Variants in FCAR observed in about 807,000 individuals in gnomAD.
The protein encoded by FCAR is Fc alpha receptor.
In FCAR, 21 loss-of-function variants were observed where a neutral mutation model predicts 27.1. The observed-to-expected ratio is 0.77, with a 90% CI of 0.55 to 1.11. FCAR has a LOEUF of 1.11. Ranked by LOEUF, FCAR falls within the 50% of genes most tolerant of loss-of-function variation. The pLI is 0.00. For missense variants in FCAR, 404 were observed against 358.4 expected (o/e 1.13, Z -1.03); for synonymous variants, 134 against 135.8 (o/e 0.99, Z 0.09).
chr19:54,885,284 C>T lies in FCAR; in HGVS notation c.120C>T (p.Pro40=). ...FISAKSSPVI[P]LDGSVKIQCQ... ...CTGCCAAATCGAGTCCTGTGATTCCCTTGGATGGATCTGTGAAAATCCAGT... is the reference window on the plus strand; with the variant it reads ...CTGCCAAATCGAGTCCTGTGATTCCTTTGGATGGATCTGTGAAAATCCAGT... Residue 40 remains proline, a synonymous_variant, in exon 3 of 5, where the codon CCC becomes CCT. Coordinates refer to ENST00000355524, the MANE Select transcript of FCAR (RefSeq NM_002000.4). 6.2e-7 allele frequency: 1 copy of T among 1,613,960 alleles called. No homozygotes were observed. The highest frequency in any genetic ancestry group is 8.5e-7 in the Non-Finnish European group (1 of 1,179,938).
chr19:54,890,091 T>TCA lies in FCAR; in HGVS notation c.*228_*229insCA. The stretch of plus-strand genomic sequence containing the variant: ...GCCTCAGCCTCCCAAGTAGCTGGAA[T>TCA]TACAGGCACATACCACTGCACCCAG... On this transcript the variant is annotated 3_prime_UTR_variant, in exon 5 of 5. Coordinates refer to ENST00000355524, the MANE Select transcript of FCAR (RefSeq NM_002000.4). 1.7e-6 allele frequency: 1 copy of TCA among 580,566 alleles called. No homozygotes were observed. The highest frequency in any genetic ancestry group is 3.1e-6 in the Non-Finnish European group (1 of 325,936). 36.0% of individuals were successfully genotyped at this position (580,566 alleles called of 1,614,324 possible).
At position 54,888,110 on chromosome 19, in the gene FCAR, A is replaced by C. The variant is rs745816789; in HGVS notation, c.465A>C (p.Arg155Ser). The C allele has an allele frequency of 1.4e-5, 22 of 1,613,956 alleles. No homozygotes were observed. The highest frequency in any genetic ancestry group is 1.9e-5 in the Non-Finnish European group (22 of 1,179,992). ...TCSSAHIPFD[R>S]FSLAKEGELS... ...GCTCAGCACACATCCCATTTGATAG[A>C]TTTTCACTGGCCAAGGAGGGAGAAC... The change falls in exon 4 of 5, where the codon AGA becomes AGC. Residue 155 changes from arginine (R) to serine (S), a missense_variant. Physicochemically the swap from Arg to Ser is moderately radical, Grantham distance 110. Coordinates refer to ENST00000355524, the MANE Select transcript of FCAR (RefSeq NM_002000.4).
chr19:54,887,810 G>A (rs181619822), intron 3 of FCAR, among the ~76,000 whole-genome samples, 197 bp from the exon 4 acceptor site: 58 of 152,054 alleles, frequency 3.8e-4, no homozygotes, highest in Middle Eastern at 6.8e-3. Context: ...CCAGTTTCTC[G>A]GGAGGCTGAG....
chr19:54,880,273 T>C (rs1333674818), intron 2 of FCAR, among the ~76,000 whole-genome samples: 2 of 152,242 alleles, frequency 1.3e-5, no homozygotes, highest in Non-Finnish European at 2.9e-5. Context: ...TTCTTCATTT[T>C]TGTCTGACTG....
At chr19:54,879,599 T>G (rs587617500) in intron 2 of FCAR, among the ~76,000 whole-genome samples, 11 of 152,294 alleles carry the variant, frequency 7.2e-5, no homozygotes, top group African/African-American at 2.6e-4. Context: ...GTAGAGTTTC[T>G]GCTGAAAGGT....
rs115006026 is a variant in FCAR, at chr19:54,879,513, G to C, written c.70+4148G>C. On this transcript the variant is annotated intron_variant, in intron 2 of 4. Coordinates refer to ENST00000355524, the MANE Select transcript of FCAR (RefSeq NM_002000.4). ...CTCCTTCACTTATGAAACTTAGTTT[G>C]GCTGGGAATGAGATTCTTGGTTGGA... Among the ~76,000 whole-genome samples the C allele has an allele frequency of 6.4e-3, 977 of 152,220 alleles. 9 individuals are homozygous for C. The highest frequency in any genetic ancestry group is 0.022 in the African/African-American group (900 of 41,540).
intron 2 of FCAR, among the ~76,000 whole-genome samples, chr19:54,883,725 T>C (rs1447120193): frequency 2.0e-5 from 3 of 152,042 alleles, no homozygotes; most frequent in African/African-American, 7.2e-5. Context: ...GAGGCCGAGA[T>C]GGGCAGATTG....
In FCAR at chr19:54,889,937, A is replaced by T; in HGVS notation, c.*74A>T. 1 of 1,103,338 alleles carries T rather than the reference A, an allele frequency of 9.1e-7. No individual in the cohort carries two copies. Among genetic ancestry groups the T allele is most frequent in the Non-Finnish European group, 1.3e-6 (1 of 753,266 alleles). 68.3% of individuals were successfully genotyped at this position (1,103,338 alleles called of 1,614,324 possible). On this transcript the variant is annotated 3_prime_UTR_variant, in exon 5 of 5. Transcript: ENST00000355524. ...AAGCTACTTGAAGGACACAAGAGAG[A>T]AAAGCTCACTAAGAAGCTTGAATCT...
At chr19:54,887,869 A>C in intron 3 of FCAR, 138 bp from the exon 4 acceptor site, 1 of 598,884 alleles carries the variant, frequency 1.7e-6, no homozygotes, top group Non-Finnish European at 2.7e-6. Flanking sequence ...GTGAGCTGAG[A>C]TCACGCCACT....
chr19:54,886,301 A>AT (rs1317590546), intron 3 of FCAR, among the ~76,000 whole-genome samples: 560 of 17,418 alleles, frequency 0.032, 12 homozygotes, highest in East Asian at 0.11. Flanking sequence ...ATGTATCTTT[A>AT]TTTTTTTTTT....
intron 2 of FCAR, among the ~76,000 whole-genome samples, chr19:54,877,878 C>T (rs1312616552): frequency 2.0e-5 from 3 of 150,778 alleles, no homozygotes. Flanking sequence ...ATTTTTATTC[C>T]ACTGTGCTCT....
chr19:54,878,223 G>C (rs1360065085), intron 2 of FCAR, among the ~76,000 whole-genome samples: 1 of 152,088 alleles, frequency 6.6e-6, no homozygotes, highest in Non-Finnish European at 1.5e-5. Context: ...AGCCTGCTAA[G>C]GATTGCTGTA....
chr19:54,881,868 G>A (rs144192976), intron 2 of FCAR, among the ~76,000 whole-genome samples: 8,443 of 151,416 alleles, frequency 0.056, 284 homozygotes, highest in African/African-American at 0.086. Flanking sequence ...GCGACAGAGC[G>A]AGACTCCGTC....
At chr19:54,875,444 G>A in intron 2 of FCAR, 79 bp downstream of exon 2, 3 of 1,130,124 alleles carry the variant, frequency 2.7e-6, no homozygotes, top group South Asian at 2.6e-5. Context: ...AGAATAGCCT[G>A]AAGCACCATT....
intron 2 of FCAR, 116 bp from the exon 3 acceptor site, chr19:54,885,119 A>T (rs959685368): frequency 6.4e-6 from 6 of 942,408 alleles, no homozygotes; most frequent in Non-Finnish European, 9.3e-6. Flanking sequence ...ATTTTTTTTT[A>T]AATAAAGAAT....
At chr19:54,877,054 A>G (rs1469968567) in intron 2 of FCAR, among the ~76,000 whole-genome samples, 1 of 152,106 alleles carries the variant, frequency 6.6e-6, no homozygotes. Context: ...ATTGTCCTGA[A>G]GTTTTCTGGT....
rs1430775964 is a variant in FCAR at position 54,885,432 on chromosome 19, A to G, written c.268A>G (p.Met90Val). 6.2e-7 allele frequency: 1 copy of G among 1,614,024 alleles called. No individual in the cohort carries two copies. Among genetic ancestry groups the G allele is most frequent in the Middle Eastern group, 1.7e-4 (1 of 6,060 alleles). ...TGATCCTGAGTTCGTCATTGACCAC[A>G]TGGACGCAAACAAGGCAGGGCGCTA... ...ETDPEFVIDH[M>V]DANKAGRYQC... The change falls in exon 3 of 5, where the codon ATG becomes GTG. Residue 90 changes from methionine (M) to valine (V), a missense_variant. By Grantham distance (21) the Met-to-Val change is conservative. Transcript: ENST00000355524.
intron 3 of FCAR, among the ~76,000 whole-genome samples, chr19:54,885,886 T>A (rs1036936531): frequency 4.0e-5 from 6 of 151,554 alleles, no homozygotes; most frequent in Admixed American, 2.0e-4. Context: ...CCGAGGCGGG[T>A]GGATCACCCA....
In FCAR at chr19:54,874,250, A is replaced by G. The variant is rs1180100639; in HGVS notation, c.-40A>G. 2 of 1,612,548 alleles carry G rather than the reference A, an allele frequency of 1.2e-6. No individual in the cohort carries two copies. Among genetic ancestry groups the G allele is most frequent in the South Asian group, 1.1e-5 (1 of 91,046 alleles). ...AATATCTGTCATCCTGCTAATGTGC[A>G]TTGAAAGGAGAGCAACGGGGCTGAG... On this transcript the variant is annotated 5_prime_UTR_variant, in exon 1 of 5. Transcript: ENST00000355524.
Sources: allele counts gnomAD v4.1 joint callset (sites outside exome capture counted in the v4.1 genomes callset), GRCh38; gene constraint gnomAD v4.1.1; transcripts MANE v1.5; gene names NCBI Gene and HGNC (gene_info 2026-07-23, HGNC 2026-07-21).